MAP3K14: variants seen among roughly 807,000 people sequenced by gnomAD.
The protein encoded by MAP3K14 is mitogen-activated protein kinase kinase kinase 14.
Under a neutral mutation model 99.2 loss-of-function variants are expected in MAP3K14, and 16 were observed. The observed-to-expected ratio is 0.16, with a 90% CI of 0.11 to 0.24. MAP3K14 has a LOEUF of 0.24. Ranked by LOEUF, MAP3K14 falls within the 10% of genes least tolerant of loss-of-function variation. MAP3K14 has a pLI of 1.00. For synonymous variants in MAP3K14, 462 were observed against 492.4 expected (o/e 0.94, Z 0.82); for missense variants, 784 against 1,208.7 (o/e 0.65, Z 5.21).
At chr17:45,301,833 CTTTTT>C (rs34664244) in intron 1 of MAP3K14, among the ~76,000 whole-genome samples, 15 of 134,296 alleles carry the variant, frequency 1.1e-4, no homozygotes, top group Admixed American at 4.4e-4. Context: ...TCTCAGTTCT[CTTTTT>C]TTTTTTTTTT....
chr17:45,267,498 A>T lies in MAP3K14; in HGVS notation c.2234T>A (p.Leu745Gln). ...GGCAGGGGCTGGCTCCAGGGAGGAC[A>T]GAGGTAAGGGTTCCCACATCCCAGA... ...EESGMWEPLP[L>Q]SSLEPAPARN... The change falls in exon 12 of 16, where the codon CTG (leucine) becomes CAG (glutamine). Residue 745 changes from leucine (L) to glutamine (Q), a missense_variant. Leu to Gln is a moderately radical substitution (Grantham distance 113). Coordinates refer to ENST00000344686, the MANE Select transcript of MAP3K14 (RefSeq NM_003954.5). The surrounding 1 kb of genome is among the most constrained non-coding windows in gnomAD (Gnocchi z 5.1). 1 of 1,612,788 alleles carries T rather than the reference A, an allele frequency of 6.2e-7. No individual in the cohort carries two copies. Among genetic ancestry groups the T allele is most frequent in the Non-Finnish European group, 8.5e-7 (1 of 1,179,354 alleles).
intron 2 of MAP3K14, among the ~76,000 whole-genome samples, chr17:45,290,249 T>C (rs1205734884): frequency 6.6e-6 from 1 of 152,178 alleles, no homozygotes; most frequent in African/African-American, 2.4e-5. Context: ...TGCTCGTCTG[T>C]TACCTCTCTT....
chr17:45,279,147 G>A (rs2044200788), intron 6 of MAP3K14, among the ~76,000 whole-genome samples: 1 of 151,804 alleles, frequency 6.6e-6, no homozygotes, highest in East Asian at 1.9e-4. Flanking sequence ...TCTTTTTTTT[G>A]AAACGGAGTT....
chr17:45,272,719 C>T lies in MAP3K14; in HGVS notation c.1657+784G>A, dbSNP rs2044150049. Among the ~76,000 whole-genome samples the T allele has an allele frequency of 6.6e-6, 1 of 152,180 alleles. No homozygotes were observed. Among genetic ancestry groups the T allele is most frequent in the Non-Finnish European group, 1.5e-5 (1 of 68,040 alleles). On this transcript the variant is annotated intron_variant, in intron 9 of 15. Coordinates refer to ENST00000344686, the MANE Select transcript of MAP3K14 (RefSeq NM_003954.5). This position sits in a 1 kb window ranked among gnomAD's most constrained non-coding sequence, Gnocchi z 4.1. ...CTTTGGGAGGCTGAGTGGGGCGGAT[C>T]ACCTAAGGTCTGGAGTTTGAGACTG...
Position 45,264,687 on chromosome 17 carries a change from G to A in MAP3K14, c.2793C>T (p.Ser931=), listed in dbSNP as rs745468970. Residue 931 remains serine, a synonymous_variant, in exon 16 of 16, where the codon AGC becomes AGT. Transcript: ENST00000344686. ...DLQCTLAPDG[S]FAWSWRVKHG... is the part of the protein sequence containing the mutation. ...GCTTGACCCTCCAGCTCCAGGCGAA[G>A]CTGCCATCAGGGGCCAGTGTGCACT... 2.5e-6 allele frequency: 4 copies of A among 1,604,544 alleles called. No homozygotes were observed.
chr17:45,267,639 G>A lies in MAP3K14; in HGVS notation c.2093C>T (p.Pro698Leu). 1 of 1,613,594 alleles carries A rather than the reference G, an allele frequency of 6.2e-7. No individual in the cohort carries two copies. Among genetic ancestry groups the A allele is most frequent in the Non-Finnish European group, 8.5e-7 (1 of 1,179,806 alleles). ...AQPRELSPRAPGPRPAEETTG... is the reference protein window; with the variant it reads ...AQPRELSPRALGPRPAEETTG... ...TGTCTCCTCAGCTGGCCGGGGCCCT[G>A]GGGCCCTTGGCGAAAGCTCTCTCGG... is the stretch of plus-strand genomic sequence containing the variant. Residue 698 changes from proline to leucine, a missense_variant, in exon 12 of 16, where the codon CCA becomes CTA. This residue lies in a region of MAP3K14 where 128 missense variants were observed against 143.3 expected (regional missense o/e 0.89). Transcript: ENST00000344686. This position sits in a 1 kb window ranked among gnomAD's most constrained non-coding sequence, Gnocchi z 5.1.
intron 1 of MAP3K14, among the ~76,000 whole-genome samples, chr17:45,295,411 T>C (rs562727770): frequency 1.2e-4 from 18 of 152,282 alleles, no homozygotes; most frequent in Non-Finnish European, 2.2e-4. Flanking sequence ...ACAAAATCCC[T>C]AGTTCTCCAA....
At position 45,265,278 on chromosome 17, in the gene MAP3K14, AGGT is replaced by A; in HGVS notation, c.2579-18_2579-16del. 1 of 1,571,256 alleles carries A rather than the reference AGGT, an allele frequency of 6.4e-7. No homozygotes were observed. Among genetic ancestry groups the A allele is most frequent in the Non-Finnish European group, 8.8e-7 (1 of 1,141,024 alleles). ...GACTTTCACACCTAGAAGGCGGACA[AGGT>A]GATAGTCAGGAGAGCGGCTGCTGGC... On this transcript the variant is annotated splice_polypyrimidine_tract_variant and intron_variant, in intron 14 of 15. Transcript: ENST00000344686.
Position 45,264,770 on chromosome 17 carries a change from TG to T in MAP3K14, c.2709del (p.Asp905ThrfsTer67). The T allele has an allele frequency of 6.2e-7, 1 of 1,613,496 alleles. No individual in the cohort carries two copies. The highest frequency in any genetic ancestry group is 8.5e-7 in the Non-Finnish European group (1 of 1,179,726). On this transcript the variant is annotated frameshift_variant, in exon 16 of 16. Coordinates refer to ENST00000344686, the MANE Select transcript of MAP3K14 (RefSeq NM_003954.5). LOFTEE classifies it high-confidence loss of function. ...QIPAAAFSLV[T>X]KDGQPVRYDM... ...TCGTAGCGAACAGGCTGCCCGTCTT[TG>T]GTGACCAAGCTGAAGGCTGCAGCTG...
chr17:45,271,489 GCAT>G (rs2044142251), intron 9 of MAP3K14, among the ~76,000 whole-genome samples: 1 of 152,166 alleles, frequency 6.6e-6, no homozygotes, highest in Non-Finnish European at 1.5e-5. Context: ...GGAATTACAG[GCAT>G]GAGCCACCAT....
At chr17:45,309,374 T>G (rs1171157275) in intron 1 of MAP3K14, among the ~76,000 whole-genome samples, 1 of 152,186 alleles carries the variant, frequency 6.6e-6, no homozygotes, top group African/African-American at 2.4e-5. Context: ...CCTCGCTCCC[T>G]CCAGCTCCTA....
chr17:45,294,842 C>G (rs2044335791), intron 1 of MAP3K14, among the ~76,000 whole-genome samples: 1 of 152,204 alleles, frequency 6.6e-6, no homozygotes. Context: ...CAACATGTGG[C>G]TATTTACATT....
Position 45,267,972 on chromosome 17 carries a change from G to T in MAP3K14, c.1973-213C>A. 2.0e-6 allele frequency: 1 copy of T among 497,054 alleles called. No individual in the cohort carries two copies. The highest frequency in any genetic ancestry group is 3.5e-6 in the Non-Finnish European group (1 of 285,880). 30.8% of individuals were successfully genotyped at this position (497,054 alleles called of 1,614,324 possible). ...AATGGTCCCAATATGACAGGGATAGGACTGGATTTCTGTCTTTGATTCTGT... is the reference window on the plus strand; with the variant it reads ...AATGGTCCCAATATGACAGGGATAGTACTGGATTTCTGTCTTTGATTCTGT... On this transcript the variant is annotated intron_variant, in intron 11 of 15. Coordinates refer to ENST00000344686, the MANE Select transcript of MAP3K14 (RefSeq NM_003954.5). The surrounding 1 kb of genome is among the most constrained non-coding windows in gnomAD (Gnocchi z 5.1).
chr17:45,270,185 C>T lies in MAP3K14; in HGVS notation c.1972+228G>A, dbSNP rs866535327. 5.3e-5 allele frequency among the ~76,000 whole-genome samples: 8 copies of T among 152,178 alleles called. No individual in the cohort carries two copies. In the East Asian group the frequency reaches 7.7e-4, roughly 15 times the overall value. ...GAGTGGGAGAATGGAAAAAGCACTT[C>T]GAGTTTGCGTGTGAGTTTTCTCTTT... is the stretch of plus-strand genomic sequence containing the variant. On this transcript the variant is annotated intron_variant, in intron 11 of 15. Transcript: ENST00000344686.
rs2044056898 is a variant in MAP3K14 at position 45,264,635 on chromosome 17, G to T, written c.*1C>A. The T allele has an allele frequency of 1.3e-6, 2 of 1,573,396 alleles. No homozygotes were observed. Among genetic ancestry groups the T allele is most frequent in the African/African-American group, 2.7e-5 (2 of 73,880 alleles). On this transcript the variant is annotated 3_prime_UTR_variant, in exon 16 of 16. Coordinates refer to ENST00000344686, the MANE Select transcript of MAP3K14 (RefSeq NM_003954.5). The stretch of plus-strand genomic sequence containing the variant: ...TGTGGAGCCGGCGGTGGAGGGCAGG[G>T]TTAGGGCCTGTTCTCCAGCTGGCCA...
chr17:45,294,352 C>T (rs981461703), intron 1 of MAP3K14, among the ~76,000 whole-genome samples: 27 of 152,180 alleles, frequency 1.8e-4, no homozygotes, highest in African/African-American at 6.5e-4. Flanking sequence ...CTGGAGAAGC[C>T]TGGGGGATAG....
At position 45,274,609 on chromosome 17, in the gene MAP3K14, G is replaced by A. The variant is rs750156565; in HGVS notation, c.1291-16C>T. On this transcript the variant is annotated splice_polypyrimidine_tract_variant and intron_variant, in intron 6 of 15. Transcript: ENST00000344686. ...CCAGCCGCACCTGCAAGGGCCCAGA[G>A]GCAGCTGTTAAGACAGGGTGAGGGG... 1 of 1,612,370 alleles carries A rather than the reference G, an allele frequency of 6.2e-7. No individual in the cohort carries two copies. The highest frequency in any genetic ancestry group is 1.1e-5 in the South Asian group (1 of 90,982).
At chr17:45,282,125 T>C (rs953820315) in intron 6 of MAP3K14, 3 of 152,148 alleles carry the variant, frequency 2.0e-5, no homozygotes, top group Admixed American at 6.5e-5. Context: ...TTTGTAGACA[T>C]GCGATCTCGC....
At chr17:45,297,782 C>T (rs2044356765) in intron 1 of MAP3K14, among the ~76,000 whole-genome samples, 1 of 143,770 alleles carries the variant, frequency 7.0e-6, no homozygotes, top group Non-Finnish European at 1.5e-5. Flanking sequence ...TGCAGTGGCA[C>T]AATCTTGGCT....
Sources: allele counts gnomAD v4.1 joint callset (sites outside exome capture counted in the v4.1 genomes callset), GRCh38; gene constraint gnomAD v4.1.1; regional missense constraint gnomAD v4.1.1; non-coding constraint Gnocchi (gnomAD v3.1); transcripts MANE v1.5; gene names NCBI Gene and HGNC (gene_info 2026-07-23, HGNC 2026-07-21).